Variants in DPY30 observed in about 807,000 individuals in gnomAD.
The protein encoded by DPY30 is protein dpy-30 homolog.
DPY30 carries 6 observed loss-of-function variants against 16.2 expected under a neutral mutation model. That is an observed-to-expected ratio of 0.37 (90% CI 0.20 to 0.73). The LOEUF is 0.73. DPY30 is among the 30% of genes least tolerant of loss of function. DPY30 has a pLI of 0.51. For synonymous variants in DPY30, 39 were observed against 38.8 expected, an observed-to-expected ratio of 1.00 and a Z score of -0.02; for missense variants, 73 against 113.1, an observed-to-expected ratio of 0.65 and a Z score of 1.61.
intron 5 of DPY30, among the ~76,000 whole-genome samples, chr2:32,017,865 G>A (rs941180284): frequency 3.3e-5 from 5 of 152,170 alleles, no homozygotes; most frequent in African/African-American, 1.2e-4. Flanking sequence ...CCACTAAGGC[G>A]ATGGCATTAT....
chr2:32,014,195 T>C (rs1008616486), intron 5 of DPY30, among the ~76,000 whole-genome samples: 6 of 150,000 alleles, frequency 4.0e-5, no homozygotes, highest in African/African-American at 1.5e-4. Context: ...TTAAAAAGAA[T>C]GAAGTGGCTG....
At chr2:32,034,938 G>T (rs1320170966) in intron 3 of DPY30, among the ~76,000 whole-genome samples, 1 of 151,516 alleles carries the variant, frequency 6.6e-6, no homozygotes, top group Non-Finnish European at 1.5e-5. Flanking sequence ...GGTGGAGGTT[G>T]CATTGACCCA....
chr2:32,039,510 G>A lies in DPY30; in HGVS notation c.-36-18C>T. Reference sequence around the variant, plus strand: ...ATACCAGTCTTGGAAAACAAGAAGAGCCGCGAGTTACCTGGGAGATTTCAA... The same window carrying A: ...ATACCAGTCTTGGAAAACAAGAAGAACCGCGAGTTACCTGGGAGATTTCAA... On this transcript the variant is annotated intron_variant, in intron 1 of 4. Coordinates refer to ENST00000342166, the MANE Select transcript of DPY30 (RefSeq NM_001321209.2). 1 of 1,612,762 alleles carries A rather than the reference G, an allele frequency of 6.2e-7. No individual in the cohort carries two copies. Among genetic ancestry groups the A allele is most frequent in the Admixed American group, 1.7e-5 (1 of 59,974 alleles).
downstream of DPY30, among the ~76,000 whole-genome samples, chr2:32,022,509 T>C (rs1387050978): frequency 8.4e-6 from 1 of 119,424 alleles, no homozygotes; most frequent in Non-Finnish European, 1.8e-5. Context: ...TGTATTTATG[T>C]ATTTTTTTTT....
At chr2:32,024,626 G>C (rs1045200110) in intron 4 of DPY30, among the ~76,000 whole-genome samples, 1 of 152,168 alleles carries the variant, frequency 6.6e-6, no homozygotes, top group Non-Finnish European at 1.5e-5. Context: ...AGCTACACAG[G>C]TATGTTTAGT....
At chr2:32,025,161 C>G (rs555934301) in intron 4 of DPY30, among the ~76,000 whole-genome samples, 1 of 152,254 alleles carries the variant, frequency 6.6e-6, no homozygotes, top group Admixed American at 6.5e-5. Flanking sequence ...TACCAGAACT[C>G]TTTACTTAAA....
chr2:32,017,993 G>C (rs1425999640), intron 5 of DPY30, among the ~76,000 whole-genome samples: 1 of 152,134 alleles, frequency 6.6e-6, no homozygotes. Context: ...GCTAGGAGGT[G>C]CCATCTGTGA....
downstream of DPY30, among the ~76,000 whole-genome samples, chr2:32,022,910 T>A (rs1043249491): frequency 2.0e-5 from 3 of 152,170 alleles, no homozygotes; most frequent in South Asian, 2.1e-4. Flanking sequence ...TTTTTCAACT[T>A]TGGCACTGAC....
intron 5 of DPY30, among the ~76,000 whole-genome samples, chr2:32,013,923 G>A (rs1675015152): frequency 6.6e-6 from 1 of 151,526 alleles, no homozygotes; most frequent in African/African-American, 2.4e-5. Flanking sequence ...CAGGAGAATC[G>A]CTTGAACCTG....
intron 4 of DPY30, 29 bp downstream of exon 4, chr2:32,029,565 A>G (rs1675456177): frequency 6.2e-7 from 1 of 1,606,324 alleles, no homozygotes; most frequent in African/African-American, 1.3e-5. Context: ...TTTCTTTACT[A>G]ACTCCATTTG....
chr2:32,039,721 G>T lies in DPY30; in HGVS notation c.-37+12C>A, dbSNP rs1439288328. 1 of 572,844 alleles carries T rather than the reference G, an allele frequency of 1.7e-6. No homozygotes were observed. Among genetic ancestry groups the T allele is most frequent in the East Asian group, 2.9e-5 (1 of 35,082 alleles). The allele number at this position is 572,844 out of a possible 1,614,324, so 35.5% of individuals were successfully genotyped here. ...GAATAAGTGAGAAAGTGGGGGAAAG[G>T]GAGCTGATTACCCGCGCCCAAGCCG... On this transcript the variant is annotated intron_variant, in intron 1 of 4. Coordinates refer to ENST00000342166, the MANE Select transcript of DPY30 (RefSeq NM_001321209.2).
At chr2:32,015,088 A>C (rs2148649401) in intron 5 of DPY30, among the ~76,000 whole-genome samples, 1 of 152,258 alleles carries the variant, frequency 6.6e-6, no homozygotes, top group East Asian at 1.9e-4. Flanking sequence ...ACCAAACAAA[A>C]AAAAAAACCT....
chr2:32,023,641 T>C (rs951626621), downstream of DPY30: 2 of 996,436 alleles, frequency 2.0e-6, no homozygotes, highest in Admixed American at 2.3e-5. Flanking sequence ...GCAATGCTTT[T>C]ATTAGTACTC....
At chr2:32,030,483 C>G (rs906961319) in intron 3 of DPY30, among the ~76,000 whole-genome samples, 3 of 151,894 alleles carry the variant, frequency 2.0e-5, no homozygotes, top group African/African-American at 7.3e-5. Context: ...ACAAACAATT[C>G]CCCGGGCGTG....
chr2:32,021,956 T>C (rs1675192406), downstream of DPY30, among the ~76,000 whole-genome samples: 1 of 152,004 alleles, frequency 6.6e-6, no homozygotes, highest in Non-Finnish European at 1.5e-5. Context: ...ACACCCATAA[T>C]CCTAGCACTT....
rs189440987 is a variant in DPY30 at position 32,013,786 on chromosome 2, G to C, written n.378-1734C>G. On this transcript the variant is annotated intron_variant and non_coding_transcript_variant, in intron 5 of 5. Coordinates refer to the DPY30 transcript ENST00000414013. ...GCACTTTGGGAGGCCAAGGCGGGCGGATCACGTGGCCAAGAGTTTGAGACC... is the reference window on the plus strand; with the variant it reads ...GCACTTTGGGAGGCCAAGGCGGGCGCATCACGTGGCCAAGAGTTTGAGACC... Among the ~76,000 whole-genome samples, 1,114 of 152,264 alleles carry C rather than the reference G, an allele frequency of 7.3e-3. 16 individuals are homozygous for C. Among genetic ancestry groups the C allele is most frequent in the African/African-American group, 0.025 (1,044 of 41,524 alleles).
chr2:32,025,333 C>T (rs541035625), intron 4 of DPY30, among the ~76,000 whole-genome samples: 4 of 151,942 alleles, frequency 2.6e-5, no homozygotes, highest in Non-Finnish European at 4.4e-5. Context: ...CATGGCAGTG[C>T]GCACCTGTAA....
At chr2:32,015,986 G>C (rs1174024710) in intron 5 of DPY30, among the ~76,000 whole-genome samples, 2 of 152,028 alleles carry the variant, frequency 1.3e-5, no homozygotes, top group African/African-American at 4.8e-5. Flanking sequence ...ACCGCCTCTA[G>C]GGATCCAGAT....
At chr2:32,038,647 C>CTTTTTTTTT (rs10679637) in intron 3 of DPY30, among the ~76,000 whole-genome samples, 1 of 111,252 alleles carries the variant, frequency 9.0e-6, no homozygotes, top group African/African-American at 3.6e-5. Context: ...TTATTTTTTA[C>CTTTTTTTTT]TTTTTTTTTT....
Sources: allele counts gnomAD v4.1 joint callset (sites outside exome capture counted in the v4.1 genomes callset), GRCh38; gene constraint gnomAD v4.1.1; transcripts MANE v1.5; gene names NCBI Gene and HGNC (gene_info 2026-07-23, HGNC 2026-07-21).